Variants in MOV10 observed in about 807,000 individuals in gnomAD.
The protein encoded by MOV10 is RNA helicase MOV-10.
Under a neutral mutation model 108.4 loss-of-function variants are expected in MOV10, and 39 were observed. That is an observed-to-expected ratio of 0.36 (90% CI 0.28 to 0.47). MOV10 has a LOEUF of 0.47. MOV10 is among the 20% of genes least tolerant of loss of function. MOV10 has a pLI of 1.00. For synonymous variants in MOV10, 490 were observed against 523.1 expected (o/e 0.94, Z 0.86); for missense variants, 952 against 1,297.6 (o/e 0.73, Z 4.09).
rs748964485 is a variant in MOV10 at position 112,694,564 on chromosome 1, G to T, written c.1407G>T (p.Leu469=). ...TGGAGCTGACAGGGCGCTGGCTGCTGTGGCCCATGCTCTTTCCTGTGGCAC... is the reference window on the plus strand; with the variant it reads ...TGGAGCTGACAGGGCGCTGGCTGCTTTGGCCCATGCTCTTTCCTGTGGCAC... ...RALELTGRWL[L]WPMLFPVAPR... is the part of the protein sequence containing the mutation. Residue 469 remains leucine, a synonymous_variant, in exon 9 of 21, where the codon CTG becomes CTT. Transcript: ENST00000369645. The surrounding 1 kb of genome is among the most constrained non-coding windows in gnomAD (Gnocchi z 4.1). 1.2e-6 allele frequency: 2 copies of T among 1,613,994 alleles called. No homozygotes were observed. The highest frequency in any genetic ancestry group is 1.7e-6 in the Non-Finnish European group (2 of 1,179,942).
upstream of MOV10, chr1:112,674,625 C>T (rs1475861509): frequency 7.1e-6 from 2 of 282,374 alleles, no homozygotes; most frequent in Admixed American, 5.6e-5. Flanking sequence ...GGGGAGGGAG[C>T]TTGGGGTAAG....
chr1:112,699,511 C>A, intron 17 of MOV10, 174 bp from the exon 18 acceptor site: 1 of 1,447,746 alleles, frequency 6.9e-7, no homozygotes, highest in Non-Finnish European at 9.1e-7. Context: ...GTTTCAGCTT[C>A]CACAGCCTAC....
At chr1:112,681,224 G>T (rs1027125166) in intron 2 of MOV10, among the ~76,000 whole-genome samples, 19 of 151,880 alleles carry the variant, frequency 1.3e-4, no homozygotes, top group African/African-American at 3.9e-4. Context: ...GGGCTCAGTG[G>T]CTCAAACCTG....
intron 17 of MOV10, 108 bp downstream of exon 17, chr1:112,698,897 T>C: frequency 1.1e-6 from 1 of 931,306 alleles, no homozygotes; most frequent in Non-Finnish European, 1.8e-6. Context: ...GTCCCACCCC[T>C]GCTGCCTTGA....
intron 2 of MOV10, chr1:112,686,920 T>C (rs1267560742): frequency 4.4e-6 from 2 of 456,542 alleles, no homozygotes; most frequent in Non-Finnish European, 4.4e-6. Context: ...ATCTTTTAAC[T>C]GGACAATTGC....
rs756626417 is a variant in MOV10 at position 112,689,684 on chromosome 1, C to T, written c.577+34C>T. 3 of 1,605,866 alleles carry T rather than the reference C, an allele frequency of 1.9e-6. No individual in the cohort carries two copies. The South Asian group carries it at 3.3e-5, about 18-fold the overall frequency. ...GTTTCCAAAGGAAAGAGCTGGTGGA[C>T]AGGGGCTTGTCCCAGGCAGTGCTTA... is the stretch of plus-strand genomic sequence containing the variant. On this transcript the variant is annotated intron_variant, in intron 4 of 20. Transcript: ENST00000369645.
chr1:112,682,291 A>G (rs1283146734), intron 2 of MOV10, among the ~76,000 whole-genome samples: 3 of 151,838 alleles, frequency 2.0e-5, no homozygotes, highest in Non-Finnish European at 2.9e-5. Context: ...TGGCATGAAC[A>G]TAGCTCACTG....
At position 112,693,050 on chromosome 1, in the gene MOV10, TC is replaced by T. The variant is rs147849362; in HGVS notation, c.1140+123del. 1,829 of 954,110 alleles carry T rather than the reference TC, an allele frequency of 1.9e-3. 21 individuals carry two copies. In the African/African-American group the frequency reaches 0.026, roughly 13 times the overall value. The allele number at this position is 954,110 out of a possible 1,614,324, so 59.1% of individuals were successfully genotyped here. On this transcript the variant is annotated intron_variant, in intron 7 of 20. Coordinates refer to ENST00000369645, the MANE Select transcript of MOV10 (RefSeq NM_001321324.2). ...GGAAAGTTGAAGTGGTTCCCAGGGC[TC>T]CGCAAGAAGCAGGGTGGGCATCCTG... is the stretch of plus-strand genomic sequence containing the variant.
At chr1:112,687,181 G>T (rs1206958704) in intron 2 of MOV10, 1 of 346,190 alleles carries the variant, frequency 2.9e-6, no homozygotes, top group African/African-American at 2.2e-5. Context: ...ACTAACAATA[G>T]TAGCTAACAT....
chr1:112,692,372 A>G (rs571303197), intron 6 of MOV10, among the ~76,000 whole-genome samples: 1 of 152,282 alleles, frequency 6.6e-6, no homozygotes, highest in East Asian at 1.9e-4. Context: ...AAACTAAAGC[A>G]GGGTTAGGGA....
At chr1:112,679,147 C>CT (rs1397541386) in intron 2 of MOV10, among the ~76,000 whole-genome samples, 1 of 152,054 alleles carries the variant, frequency 6.6e-6, no homozygotes, top group African/African-American at 2.4e-5. Flanking sequence ...AGCTTTTGGC[C>CT]TTTCCTGAAC....
chr1:112,697,320 A>C (rs1674196799), intron 14 of MOV10, among the ~76,000 whole-genome samples: 1 of 152,096 alleles, frequency 6.6e-6, no homozygotes, highest in Non-Finnish European at 1.5e-5. Flanking sequence ...AAATACAAAA[A>C]TTAGCCAGGC....
At position 112,692,743 on chromosome 1, in the gene MOV10, C is replaced by T. The variant is rs1673696722; in HGVS notation, c.972-18C>T. 3.7e-6 allele frequency: 6 copies of T among 1,613,200 alleles called. No individual in the cohort carries two copies. The highest frequency in any genetic ancestry group is 5.1e-6 in the Non-Finnish European group (6 of 1,179,686). ...CCTGTTCCTGCCCCCACTCACCCCT[C>T]CCAACCATCATTTCCAGGGCCCAGC... On this transcript the variant is annotated intron_variant, in intron 6 of 20. Coordinates refer to ENST00000369645, the MANE Select transcript of MOV10 (RefSeq NM_001321324.2).
rs978344815 is a variant in MOV10, at chr1:112,694,267, C to T, written c.1295+95C>T. ...TTTCTCCCTGAGATAAATGAGACCCCGGGGCAGAGCAGGAGACTTTTCCTC... is the reference window on the plus strand; with the variant it reads ...TTTCTCCCTGAGATAAATGAGACCCTGGGGCAGAGCAGGAGACTTTTCCTC... On this transcript the variant is annotated intron_variant, in intron 8 of 20. Coordinates refer to ENST00000369645, the MANE Select transcript of MOV10 (RefSeq NM_001321324.2). The surrounding 1 kb of genome is among the most constrained non-coding windows in gnomAD (Gnocchi z 4.1). The T allele has an allele frequency of 4.2e-5, 63 of 1,513,830 alleles. No individual in the cohort carries two copies. The highest frequency in any genetic ancestry group is 5.0e-5 in the Non-Finnish European group (55 of 1,099,004). The allele number at this position is 1,513,830 out of a possible 1,614,324, so 93.8% of individuals were successfully genotyped here. A position where few individuals can be genotyped will look rare whatever the true frequency, so the allele number is the denominator to read the frequency against.
intron 2 of MOV10, among the ~76,000 whole-genome samples, chr1:112,683,312 A>C (rs1356462140): frequency 2.0e-5 from 3 of 152,192 alleles, no homozygotes; most frequent in African/African-American, 7.2e-5. Context: ...TAGGATAGGC[A>C]TATGTTTAGT....
At chr1:112,682,921 C>CT (rs36031191) in intron 2 of MOV10, among the ~76,000 whole-genome samples, 99,720 of 137,288 alleles carry the variant, frequency 0.73, 36,463 homozygotes, top group South Asian at 0.86. Flanking sequence ...CTAGGAACAT[C>CT]TTTTTTTTTT....
intron 2 of MOV10, among the ~76,000 whole-genome samples, chr1:112,682,620 C>G (rs1423542284): frequency 1.3e-5 from 2 of 152,208 alleles, no homozygotes; most frequent in Non-Finnish European, 1.5e-5. Context: ...CTCCCTCGTG[C>G]CCTTTCCTAG....
rs1674565941 is a variant in MOV10, at chr1:112,700,627, C to T, written c.*120C>T. ...GAAGGCTGGGGGAGGGAGTTTACAA[C>T]CCAAGCCATTCCACCCCCTCCCCTG... On this transcript the variant is annotated 3_prime_UTR_variant, in exon 21 of 21. Transcript: ENST00000369645. 3 of 1,548,378 alleles carry T rather than the reference C, an allele frequency of 1.9e-6. No individual in the cohort carries two copies. Among genetic ancestry groups the T allele is most frequent in the Non-Finnish European group, 2.6e-6 (3 of 1,147,324 alleles).
chr1:112,697,911 G>C, intron 14 of MOV10, 83 bp from the exon 15 acceptor site: 1 of 1,127,342 alleles, frequency 8.9e-7, no homozygotes, highest in East Asian at 2.3e-5. Flanking sequence ...ATTGTGTGTG[G>C]GCCCAGAGTG....
Sources: gnomAD v4.1 joint callset for allele counts (sites outside exome capture counted in the v4.1 genomes callset) on GRCh38, gnomAD v4.1.1 for gene constraint, Gnocchi (gnomAD v3.1) non-coding constraint, MANE v1.5 for transcripts, NCBI Gene and HGNC (gene_info 2026-07-23, HGNC 2026-07-21) for gene names.